Variants in DCLK1 observed in about 807,000 individuals in gnomAD.
DCLK1 encodes doublecortin like kinase 1, also known as serine/threonine-protein kinase DCLK1.
In DCLK1, 16 loss-of-function variants were observed where a neutral mutation model predicts 86.2. The observed-to-expected ratio is 0.19, with a 90% CI of 0.13 to 0.28. The LOEUF (loss-of-function observed/expected upper bound fraction) is 0.28. Among genes scored for constraint, DCLK1 ranks in the 10% least tolerant of loss-of-function variants. DCLK1 has a pLI of 1.00. For synonymous variants in DCLK1, 369 were observed against 370.5 expected (o/e 1.00, Z 0.05); for missense variants, 590 against 940.2 (o/e 0.63, Z 4.87).
intron 4 of DCLK1, among the ~76,000 whole-genome samples, chr13:35,928,668 C>T (rs1424687870): frequency 2.6e-5 from 4 of 152,200 alleles, no homozygotes; most frequent in Non-Finnish European, 4.4e-5. Flanking sequence ...CTTTAGTTCA[C>T]TGTGATATGC....
At chr13:35,937,425 A>C (rs1017043677) in intron 4 of DCLK1, among the ~76,000 whole-genome samples, 3 of 152,252 alleles carry the variant, frequency 2.0e-5, no homozygotes, top group South Asian at 2.1e-4. Flanking sequence ...GGATCAAAAC[A>C]GCGGGGAGGA....
At chr13:36,046,651 C>T (rs9531386) in intron 3 of DCLK1, among the ~76,000 whole-genome samples, 7,807 of 152,264 alleles carry the variant, frequency 0.051, 207 homozygotes, top group Middle Eastern at 0.092. Context: ...GAGCCCTCTG[C>T]GGAGTGTGTT....
intron 7 of DCLK1, among the ~76,000 whole-genome samples, chr13:35,838,258 A>T (rs947882557): frequency 6.6e-6 from 1 of 152,186 alleles, no homozygotes; most frequent in Admixed American, 6.5e-5. Flanking sequence ...TTATACTGTA[A>T]ATCACATATT....
chr13:36,023,634 A>G (rs1881884515), intron 3 of DCLK1, among the ~76,000 whole-genome samples: 1 of 152,136 alleles, frequency 6.6e-6, no homozygotes, highest in African/African-American at 2.4e-5. Context: ...ATATCAATCA[A>G]TGTAATACCA....
intron 3 of DCLK1, among the ~76,000 whole-genome samples, chr13:36,039,771 ATAAATATGT>A (rs1455524143): frequency 1.3e-5 from 2 of 152,326 alleles, no homozygotes; most frequent in Non-Finnish European, 2.9e-5. Context: ...ACTAAGAGAC[ATAAATATGT>A]TGCTGTATTT....
At chr13:35,786,037 C>G (rs1238957362) in intron 16 of DCLK1, among the ~76,000 whole-genome samples, 2 of 152,188 alleles carry the variant, frequency 1.3e-5, no homozygotes, top group African/African-American at 4.8e-5. Flanking sequence ...AGCTGGAAAA[C>G]AGAGCACTTT....
chr13:36,009,741 GT>G (rs1356869712), intron 3 of DCLK1, among the ~76,000 whole-genome samples: 19 of 120,078 alleles, frequency 1.6e-4, no homozygotes, highest in Non-Finnish European at 2.9e-4. Context: ...CTTTAAAGTA[GT>G]TTTTTCCAAT....
At chr13:35,989,710 G>GTTT (rs1880129811) in intron 3 of DCLK1, among the ~76,000 whole-genome samples, 1 of 109,590 alleles carries the variant, frequency 9.1e-6, no homozygotes, top group Admixed American at 1.0e-4. Flanking sequence ...TGGCTAATTG[G>GTTT]CTTTTTTTTT....
chr13:35,883,612 A>C (rs1198991133), intron 4 of DCLK1, among the ~76,000 whole-genome samples: 1 of 152,196 alleles, frequency 6.6e-6, no homozygotes, highest in Admixed American at 6.5e-5. Flanking sequence ...GGACTAAGAC[A>C]GCAGTGGTAT....
intron 3 of DCLK1, among the ~76,000 whole-genome samples, chr13:36,007,378 T>C (rs1471677955): frequency 6.6e-6 from 1 of 152,230 alleles, no homozygotes. Flanking sequence ...GCTACAAGGC[T>C]GTATTAACAC....
intron 4 of DCLK1, among the ~76,000 whole-genome samples, chr13:35,940,291 C>CA (rs35613029): frequency 1.5e-3 from 185 of 123,200 alleles, no homozygotes; most frequent in Middle Eastern, 4.6e-3. Flanking sequence ...GAGTCCGTCT[C>CA]AAAAAAAAAA....
chr13:35,976,792 C>T (rs918070070), intron 3 of DCLK1, among the ~76,000 whole-genome samples: 3 of 152,002 alleles, frequency 2.0e-5, no homozygotes, highest in African/African-American at 7.2e-5. Flanking sequence ...CCTCGGCCTC[C>T]CAAAGTGCTG....
At chr13:35,826,810 A>G (rs1013400449) in intron 10 of DCLK1, among the ~76,000 whole-genome samples, 1 of 152,014 alleles carries the variant, frequency 6.6e-6, no homozygotes, top group Admixed American at 6.6e-5. Context: ...ATGCCCTGGG[A>G]GCCTGAGGCG....
At chr13:36,069,254 C>T (rs200689658) in intron 3 of DCLK1, among the ~76,000 whole-genome samples, 1 of 109,684 alleles carries the variant, frequency 9.1e-6, no homozygotes, top group Non-Finnish European at 1.8e-5. Context: ...AAAAAGGTTT[C>T]AAGGGCTCTG....
At chr13:36,082,443 T>C (rs1884452646) in intron 3 of DCLK1, among the ~76,000 whole-genome samples, 1 of 152,224 alleles carries the variant, frequency 6.6e-6, no homozygotes, top group African/African-American at 2.4e-5. Flanking sequence ...TAATTAAGTT[T>C]TGGAAGTGTC....
intron 3 of DCLK1, among the ~76,000 whole-genome samples, chr13:36,108,255 G>T (rs1776204065): frequency 6.6e-6 from 1 of 152,302 alleles, no homozygotes; most frequent in East Asian, 1.9e-4. Flanking sequence ...AAAGAATGGA[G>T]TTGAAATCAT....
At chr13:35,946,711 A>G (rs1193594497) in intron 4 of DCLK1, among the ~76,000 whole-genome samples, 4 of 152,254 alleles carry the variant, frequency 2.6e-5, no homozygotes, top group Non-Finnish European at 5.9e-5. Flanking sequence ...TACCTGTGAT[A>G]GTGCTAAGAT....
chr13:35,843,158 A>G (rs1869935077), intron 6 of DCLK1, among the ~76,000 whole-genome samples: 1 of 152,168 alleles, frequency 6.6e-6, no homozygotes, highest in Non-Finnish European at 1.5e-5. Flanking sequence ...AAACCATTTT[A>G]TAGTCCACAT....
At chr13:35,842,160 C>T (rs1276242294) in intron 6 of DCLK1, among the ~76,000 whole-genome samples, 1 of 122,672 alleles carries the variant, frequency 8.2e-6, no homozygotes, top group Non-Finnish European at 1.6e-5. Context: ...ATCCAGGAGG[C>T]GGAGCTTGCA....
Sources: gnomAD v4.1 joint callset for allele counts (sites outside exome capture counted in the v4.1 genomes callset) on GRCh38, gnomAD v4.1.1 for gene constraint, MANE v1.5 for transcripts, NCBI Gene and HGNC (gene_info 2026-07-23, HGNC 2026-07-21) for gene names.